Variants in DTL observed in about 807,000 individuals in gnomAD.
DTL encodes the protein denticleless E3 ubiquitin protein ligase adapter.
DTL carries 46 observed loss-of-function variants against 87.0 expected under a neutral mutation model. The observed-to-expected ratio is 0.53, with a 90% CI of 0.42 to 0.68. The LOEUF is 0.68. Among genes scored for constraint, DTL ranks in the 30% least tolerant of loss-of-function variants. The pLI, the probability that DTL is intolerant of heterozygous loss-of-function variation, is 0.00. For synonymous variants in DTL, 308 were observed against 311.2 expected (o/e 0.99, Z 0.11); for missense variants, 737 against 869.4 (o/e 0.85, Z 1.91).
In DTL at chr1:212,064,185, T is replaced by C. The variant is rs148157528; in HGVS notation, c.527-732T>C. 2.5e-3 allele frequency among the ~76,000 whole-genome samples: 378 copies of C among 152,208 alleles called. 4 individuals carry two copies. Among genetic ancestry groups the C allele is most frequent in the African/African-American group, 8.4e-3 (350 of 41,518 alleles). ...AGCTATTTTGAAATAAATAATAAAA[T>C]TATTTAGAAAAATTTTAATAAACCT... On this transcript the variant is annotated intron_variant, in intron 6 of 14. Coordinates refer to ENST00000366991, the MANE Select transcript of DTL (RefSeq NM_016448.4).
intron 5 of DTL, among the ~76,000 whole-genome samples, chr1:212,052,519 C>G (rs1273737171): frequency 2.6e-5 from 4 of 151,826 alleles, no homozygotes; most frequent in Admixed American, 1.3e-4. Flanking sequence ...CACCTGTAAT[C>G]CCAGCTACTC....
intron 14 of DTL, 72 bp downstream of exon 14, chr1:212,101,156 G>C: frequency 1.0e-6 from 1 of 979,100 alleles, no homozygotes; most frequent in Non-Finnish European, 1.4e-6. Flanking sequence ...TCTCAAGTCA[G>C]GATGCTTTTT....
At chr1:212,066,690 C>A in intron 7 of DTL, 122 bp from the exon 8 acceptor site, 1 of 705,636 alleles carries the variant, frequency 1.4e-6, no homozygotes, top group South Asian at 1.8e-5. Context: ...TGATCGAGAT[C>A]ATTAGACAAG....
At chr1:212,080,068 G>GT (rs1054733935) in intron 12 of DTL, among the ~76,000 whole-genome samples, 1 of 152,174 alleles carries the variant, frequency 6.6e-6, no homozygotes, top group African/African-American at 2.4e-5. Context: ...TAGGGAACTT[G>GT]TTGTTTTCCC....
intron 5 of DTL, among the ~76,000 whole-genome samples, chr1:212,056,156 AT>A (rs1163913360): frequency 1.3e-5 from 2 of 152,130 alleles, no homozygotes; most frequent in Non-Finnish European, 1.5e-5. Context: ...CACTGCTGCC[AT>A]TTCCAATACC....
chr1:212,066,906 T>C, intron 8 of DTL, 21 bp downstream of exon 8: 2 of 1,591,918 alleles, frequency 1.3e-6, no homozygotes, highest in Non-Finnish European at 8.6e-7. Flanking sequence ...ATTTCTTTTT[T>C]CTTCCGACGA....
chr1:212,071,325 G>A (rs1654662786), intron 10 of DTL, among the ~76,000 whole-genome samples: 1 of 152,132 alleles, frequency 6.6e-6, no homozygotes, highest in Non-Finnish European at 1.5e-5. Context: ...GTATTTCCTA[G>A]TAGTGTTCTG....
At chr1:212,051,442 CTTTTTTTTTTTTTTTTTT>C (rs958429363) in intron 5 of DTL, 97 of 197,156 alleles carry the variant, frequency 4.9e-4, no homozygotes, top group Non-Finnish European at 6.2e-4. Context: ...ATATGAAATT[CTTTTTTTTTTTTTTTTTT>C]TTTTTTTTTT....
At chr1:212,098,276 A>G (rs1655507601) in intron 13 of DTL, among the ~76,000 whole-genome samples, 1 of 152,240 alleles carries the variant, frequency 6.6e-6, no homozygotes, top group African/African-American at 2.4e-5. Context: ...TACAGGCAGT[A>G]GAATTAGCTG....
At chr1:212,059,622 G>A (rs1446077825) in intron 5 of DTL, among the ~76,000 whole-genome samples, 3 of 151,890 alleles carry the variant, frequency 2.0e-5, no homozygotes, top group African/African-American at 4.8e-5. Context: ...AGACAAGGAC[G>A]CACGCTTTTC....
chr1:212,100,506 AC>A lies in DTL; in HGVS notation c.1519del (p.Arg507GlufsTer28). The A allele has an allele frequency of 6.2e-7, 1 of 1,613,880 alleles. No homozygotes were observed. Among genetic ancestry groups the A allele is most frequent in the South Asian group, 1.1e-5 (1 of 91,070 alleles). On this transcript the variant is annotated frameshift_variant, in exon 14 of 15. Coordinates refer to ENST00000366991, the MANE Select transcript of DTL (RefSeq NM_016448.4). LOFTEE classifies it high-confidence loss of function. ...CAAGATGTCGATTAGAAACTGGGTG[AC>A]CCGAACACCTTCCTCATCACCACCC... is the stretch of plus-strand genomic sequence containing the variant. ...SFKMSIRNWV[T>X]RTPSSSPPIT...
rs1445810753 is a variant in DTL at position 212,104,905 on chromosome 1, T to C, written c.*1965T>C. 2 of 152,202 alleles carry C rather than the reference T, an allele frequency of 1.3e-5. No individual in the cohort carries two copies. The highest frequency in any genetic ancestry group is 2.9e-5 in the Non-Finnish European group (2 of 68,024). The allele number at this position is 152,202 out of a possible 1,614,324, so 9.4% of individuals were successfully genotyped here. On this transcript the variant is annotated 3_prime_UTR_variant, in exon 15 of 15. Coordinates refer to ENST00000366991, the MANE Select transcript of DTL (RefSeq NM_016448.4). ...AGAAGCAGTCTACAAAAAAGAACTA[T>C]AGTAGTCAAGAATCCCTTCTACTTG...
intron 1 of DTL, among the ~76,000 whole-genome samples, chr1:212,039,697 T>C (rs1033789832): frequency 6.6e-5 from 10 of 152,268 alleles, no homozygotes; most frequent in African/African-American, 2.4e-4. Context: ...CTAAGCTATA[T>C]ATTTTTCCTA....
chr1:212,083,654 G>C (rs542387924), intron 13 of DTL, among the ~76,000 whole-genome samples: 20 of 152,204 alleles, frequency 1.3e-4, no homozygotes, highest in African/African-American at 4.8e-4. Flanking sequence ...GAGAAACCAA[G>C]GTATTGGAAA....
chr1:212,072,189 T>C lies in DTL; in HGVS notation c.1011T>C (p.Ser337=). Reference sequence around the variant, plus strand: ...ACCAGTTTTTAGTCAGTGGCTCAAGTGATGAAGCTGCCTACATATGGAAGG... The same window carrying C: ...ACCAGTTTTTAGTCAGTGGCTCAAGCGATGAAGCTGCCTACATATGGAAGG... ...PDDQFLVSGS[S]DEAAYIWKVS... The change falls in exon 11 of 15, where the codon AGT becomes AGC. Residue 337 remains serine (S), a synonymous_variant. Transcript: ENST00000366991. 1.9e-6 allele frequency: 3 copies of C among 1,613,848 alleles called. No homozygotes were observed. Among genetic ancestry groups the C allele is most frequent in the South Asian group, 1.1e-5 (1 of 91,082 alleles).
chr1:212,093,784 C>T lies in DTL; in HGVS notation c.1262-6468C>T, dbSNP rs575848827. 1.4e-4 allele frequency among the ~76,000 whole-genome samples: 22 copies of T among 152,194 alleles called. No homozygotes were observed. In the East Asian group the frequency reaches 3.9e-3, roughly 27 times the overall value. On this transcript the variant is annotated intron_variant, in intron 13 of 14. Coordinates refer to ENST00000366991, the MANE Select transcript of DTL (RefSeq NM_016448.4). Reference sequence around the variant, plus strand: ...GGTTTTTATAGGCACAGGATGGGGGCGTGGCAGGCCAAGGTGGTCTTGGGA... The same window carrying T: ...GGTTTTTATAGGCACAGGATGGGGGTGTGGCAGGCCAAGGTGGTCTTGGGA...
chr1:212,044,602 G>GAAAAA, intron 2 of DTL, 58 bp from the exon 3 acceptor site: 10 of 887,518 alleles, frequency 1.1e-5, no homozygotes, highest in South Asian at 3.5e-5. Context: ...GACTCCGTCT[G>GAAAAA]AAAAAAAAAA....
chr1:212,097,896 C>A (rs976887966), intron 13 of DTL, among the ~76,000 whole-genome samples: 11 of 126,966 alleles, frequency 8.7e-5, no homozygotes, highest in African/African-American at 3.1e-4. Flanking sequence ...TGTTTAAATT[C>A]TTTTGTCCCA....
intron 5 of DTL, among the ~76,000 whole-genome samples, chr1:212,056,869 C>A (rs903222861): frequency 6.6e-6 from 1 of 151,918 alleles, no homozygotes; most frequent in African/African-American, 2.4e-5. Context: ...AAAGCTTCAA[C>A]AATAGACTAG....
Sources: gnomAD v4.1 joint callset for allele counts (sites outside exome capture counted in the v4.1 genomes callset) on GRCh38, gnomAD v4.1.1 for gene constraint, MANE v1.5 for transcripts, NCBI Gene and HGNC (gene_info 2026-07-23, HGNC 2026-07-21) for gene names.